The following CUL2 variants were observed in gnomAD, a reference collection of about 807,000 sequenced individuals.
CUL2 encodes the protein cullin-2.
A neutral mutation model predicts 110.2 loss-of-function variants in CUL2; 22 were observed. The ratio of observed to expected loss-of-function variants is 0.20; its 90% confidence interval spans 0.14 to 0.28. The LOEUF (loss-of-function observed/expected upper bound fraction) is 0.28, where lower values mean the gene tolerates loss of function less well. CUL2 is among the 10% of genes least tolerant of loss of function. CUL2 has a pLI of 1.00. For missense variants in CUL2, 631 were observed against 905.5 expected (o/e 0.70, Z 3.89); for synonymous variants, 279 against 293.2 (o/e 0.95, Z 0.49).
intron 2 of CUL2, 81 bp from the exon 3 acceptor site, chr10:35,063,143 A>G: frequency 1.2e-6 from 1 of 827,856 alleles, no homozygotes; most frequent in Non-Finnish European, 2.0e-6. Flanking sequence ...GGCATTAAAA[A>G]ATGAAAAAAC....
At chr10:35,093,047 C>G (rs958093957), upstream of CUL2, among the ~76,000 whole-genome samples, 1 of 152,096 alleles carries the variant, frequency 6.6e-6, no homozygotes, top group African/African-American at 2.4e-5. Flanking sequence ...GGACTCGTGA[C>G]TCATGACTCA....
At chr10:35,063,806 A>C (rs116347449) in intron 2 of CUL2, 1 of 150,736 alleles carries the variant, frequency 6.6e-6, no homozygotes, top group Non-Finnish European at 1.5e-5. Context: ...AACATCTCCA[A>C]TAATTAGAAA....
intron 5 of CUL2, 131 bp from the exon 6 acceptor site, chr10:35,049,896 A>G (rs188012131): frequency 3.5e-6 from 2 of 570,104 alleles, no homozygotes; most frequent in East Asian, 6.0e-5. Context: ...TTCAAATAAA[A>G]CCTGAACAAA....
intron 1 of CUL2, among the ~76,000 whole-genome samples, chr10:35,101,310 A>G (rs1439043012): frequency 6.6e-6 from 1 of 152,218 alleles, no homozygotes; most frequent in Non-Finnish European, 1.5e-5. Flanking sequence ...TCAAAACTAC[A>G]GAACCAGTTG....
chr10:35,092,340 A>G (rs2087223663), upstream of CUL2, among the ~76,000 whole-genome samples: 1 of 152,242 alleles, frequency 6.6e-6, no homozygotes, highest in African/African-American at 2.4e-5. Context: ...AGGGATCAAG[A>G]CAGTGCCACC....
intron 18 of CUL2, 117 bp downstream of exon 18, chr10:35,016,075 A>G: frequency 1.2e-6 from 1 of 811,124 alleles, no homozygotes. Flanking sequence ...AACGTAGTGA[A>G]TACAAGTGCT....
chr10:35,057,966 C>T lies in CUL2; in HGVS notation c.317+2908G>A, dbSNP rs191901641. Among the ~76,000 whole-genome samples, 528 of 149,726 alleles carry T rather than the reference C, an allele frequency of 3.5e-3. 9 individuals are homozygous for T. The highest frequency in any genetic ancestry group is 0.026 in the Admixed American group (384 of 15,054). On this transcript the variant is annotated intron_variant, in intron 4 of 20. Coordinates refer to ENST00000374749, the MANE Select transcript of CUL2 (RefSeq NM_003591.4). ...TACAAAAATTAGCCAGGTGTGGTGGCGCGTGCCAGTAATCCCAGCTACTCA... is the reference window on the plus strand; with the variant it reads ...TACAAAAATTAGCCAGGTGTGGTGGTGCGTGCCAGTAATCCCAGCTACTCA...
chr10:35,054,292 T>C (rs1037847875), intron 5 of CUL2, 142 bp downstream of exon 5: 9 of 542,792 alleles, frequency 1.7e-5, no homozygotes, highest in African/African-American at 1.6e-4. Flanking sequence ...AGGAAATCAC[T>C]ATAGCATTTT....
intron 8 of CUL2, among the ~76,000 whole-genome samples, chr10:35,043,071 T>G (rs2085836574): frequency 1.3e-5 from 2 of 152,108 alleles, no homozygotes; most frequent in Admixed American, 1.3e-4. Context: ...ATTGTTGCTG[T>G]GGTGTGAGAG....
At chr10:35,016,590 G>A (rs1267278281) in intron 17 of CUL2, among the ~76,000 whole-genome samples, 196 bp from the exon 18 acceptor site, 1 of 152,048 alleles carries the variant, frequency 6.6e-6, no homozygotes, top group Admixed American at 6.6e-5. Context: ...TTGAGTATAT[G>A]GTATAAATCA....
At chr10:35,050,335 A>C (rs142308365) in intron 5 of CUL2, among the ~76,000 whole-genome samples, 4,480 of 152,212 alleles carry the variant, frequency 0.029, 220 homozygotes, top group African/African-American at 0.1. Flanking sequence ...AAAAAAAAAA[A>C]AAACTTAATT....
At chr10:35,077,397 C>G (rs1204966774) in intron 1 of CUL2, among the ~76,000 whole-genome samples, 1 of 151,346 alleles carries the variant, frequency 6.6e-6, no homozygotes, top group Non-Finnish European at 1.5e-5. Context: ...ACTCAAGAGG[C>G]TGAGGAGGAG....
chr10:35,022,066 T>C (rs926980049), intron 17 of CUL2, among the ~76,000 whole-genome samples: 5 of 139,592 alleles, frequency 3.6e-5, no homozygotes, highest in African/African-American at 9.9e-5. Flanking sequence ...CACCGTACTG[T>C]AACTATGTAC....
chr10:35,047,122 T>C (rs185196379), intron 6 of CUL2, among the ~76,000 whole-genome samples: 5 of 152,306 alleles, frequency 3.3e-5, no homozygotes, highest in South Asian at 2.1e-4. Flanking sequence ...ACTAAATTAC[T>C]AATTTCTTCA....
chr10:35,023,898 G>A lies in CUL2; in HGVS notation c.1684+1234C>T, dbSNP rs566704736. ...TGCCCAGGCTGGAGTGCAGTGGCACGATCATGGCTCACTGCAGCCTCCAGC... is the reference window on the plus strand; with the variant it reads ...TGCCCAGGCTGGAGTGCAGTGGCACAATCATGGCTCACTGCAGCCTCCAGC... On this transcript the variant is annotated intron_variant, in intron 17 of 20. Coordinates refer to ENST00000374749, the MANE Select transcript of CUL2 (RefSeq NM_003591.4). Among the ~76,000 whole-genome samples the A allele has an allele frequency of 3.1e-4, 47 of 152,314 alleles. No homozygotes were observed. The South Asian group carries it at 4.1e-3, about 13-fold the overall frequency.
chr10:35,110,445 G>A (rs117665807), intron 1 of CUL2, among the ~76,000 whole-genome samples: 22,977 of 152,106 alleles, frequency 0.15, 1,955 homozygotes, highest in East Asian at 0.24. Flanking sequence ...CACGCCTATA[G>A]TCCCAGATAC....
chr10:35,053,985 T>C (rs993408411), intron 5 of CUL2, among the ~76,000 whole-genome samples: 7 of 152,226 alleles, frequency 4.6e-5, no homozygotes, highest in Admixed American at 6.5e-5. Context: ...TAATTTGCAC[T>C]GTACCTCAAG....
intron 8 of CUL2, 50 bp downstream of exon 8, chr10:35,044,516 C>A: frequency 2.6e-6 from 3 of 1,162,902 alleles, no homozygotes; most frequent in South Asian, 1.6e-5. Flanking sequence ...TAAATAAAAC[C>A]AGGCCAGATA....
At chr10:35,100,755 C>CAAAAA (rs563272303) in intron 2 of CUL2, 21 of 44,446 alleles carry the variant, frequency 4.7e-4, no homozygotes, top group South Asian at 1.0e-3. Flanking sequence ...GAGTCCATCT[C>CAAAAA]AAAAAAAAAA....
Sources: allele counts gnomAD v4.1 joint callset (sites outside exome capture counted in the v4.1 genomes callset), GRCh38; gene constraint gnomAD v4.1.1; transcripts MANE v1.5; gene names NCBI Gene and HGNC (gene_info 2026-07-23, HGNC 2026-07-21).